SIDT1: variants seen among roughly 807,000 people sequenced by gnomAD.
SIDT1 encodes SID1 transmembrane family, member 1.
Under a neutral mutation model 107.5 loss-of-function variants are expected in SIDT1, and 101 were observed. The ratio of observed to expected loss-of-function variants is 0.94; its 90% CI spans 0.80 to 1.11. The LOEUF (loss-of-function observed/expected upper bound fraction) is 1.11, where lower values mean the gene tolerates loss of function less well. Among genes scored for constraint, SIDT1 ranks in the 50% least tolerant of loss-of-function variants. SIDT1 has a pLI of 0.00. For synonymous variants in SIDT1, 395 were observed against 398.2 expected, an observed-to-expected ratio of 0.99 and a Z score of 0.10; for missense variants, 1,076 against 1,058.2, an observed-to-expected ratio of 1.02 and a Z score of -0.23.
intron 9 of SIDT1, among the ~76,000 whole-genome samples, chr3:113,591,468 A>T (rs1167930069): frequency 6.6e-6 from 1 of 152,170 alleles, no homozygotes; most frequent in Non-Finnish European, 1.5e-5. Flanking sequence ...GAAAGGGAGA[A>T]GCCAAAACAA....
At chr3:113,550,442 G>A (rs1940091255) in intron 1 of SIDT1, among the ~76,000 whole-genome samples, 2 of 152,158 alleles carry the variant, frequency 1.3e-5, no homozygotes, top group Admixed American at 1.3e-4. Context: ...TTCCAGTGGT[G>A]GAAATCTGTC....
chr3:113,533,843 A>G (rs938430428), intron 1 of SIDT1, among the ~76,000 whole-genome samples: 6 of 152,148 alleles, frequency 3.9e-5, no homozygotes. Flanking sequence ...TGAGAACTGC[A>G]GCCATCAGCT....
At chr3:113,593,222 A>G (rs565153407) in intron 10 of SIDT1, among the ~76,000 whole-genome samples, 174 bp downstream of exon 10, 2 of 152,292 alleles carry the variant, frequency 1.3e-5, no homozygotes, top group East Asian at 1.9e-4. Flanking sequence ...AACCAATTCT[A>G]TAGTTCAAGA....
Position 113,608,482 on chromosome 3 carries a change from G to C in SIDT1, c.1666G>C (p.Gly556Arg). Reference sequence around the variant, plus strand: ...TATGGGCATTGCATTGATGATGGAAGGGGTGCTCAGTGCTTGCTACCATGT... The same window carrying C: ...TATGGGCATTGCATTGATGATGGAACGGGTGCTCAGTGCTTGCTACCATGT... ...YAMGIALMMEGVLSACYHVCP... is the reference protein window; with the variant it reads ...YAMGIALMMERVLSACYHVCP... The change falls in exon 17 of 25, where the codon GGG becomes CGG. Residue 556 changes from glycine (G) to arginine (R), a missense_variant. Coordinates refer to ENST00000264852, the MANE Select transcript of SIDT1 (RefSeq NM_017699.3). 6.2e-7 allele frequency: 1 copy of C among 1,614,098 alleles called. No homozygotes were observed. The highest frequency in any genetic ancestry group is 8.5e-7 in the Non-Finnish European group (1 of 1,179,992).
At chr3:113,549,701 T>A (rs981427251) in intron 1 of SIDT1, among the ~76,000 whole-genome samples, 3 of 152,196 alleles carry the variant, frequency 2.0e-5, no homozygotes, top group Admixed American at 6.5e-5. Context: ...GCCTTGCCTT[T>A]TCATTTTCTT....
At chr3:113,607,949 C>T (rs1302887955) in intron 15 of SIDT1, 145 bp from the exon 16 acceptor site, 4 of 977,472 alleles carry the variant, frequency 4.1e-6, no homozygotes, top group Non-Finnish European at 5.7e-6. Context: ...AAGAGGATTT[C>T]TAATACTTTT....
At position 113,627,858 on chromosome 3, in the gene SIDT1, C is replaced by G; in HGVS notation, c.*150C>G. 2 of 685,340 alleles carry G rather than the reference C, an allele frequency of 2.9e-6. No individual in the cohort carries two copies. Among genetic ancestry groups the G allele is most frequent in the South Asian group, 3.7e-5 (2 of 54,204 alleles). The allele number at this position is 685,340 out of a possible 1,614,324, so 42.5% of individuals were successfully genotyped here. On this transcript the variant is annotated 3_prime_UTR_variant, in exon 25 of 25. Coordinates refer to ENST00000264852, the MANE Select transcript of SIDT1 (RefSeq NM_017699.3). Reference sequence around the variant, plus strand: ...ATTCACACAGGAAGGAGAGGGGCTGCGGGAGATTTAAACCTGCAAGAAAGG... The same window carrying G: ...ATTCACACAGGAAGGAGAGGGGCTGGGGGAGATTTAAACCTGCAAGAAAGG...
intron 1 of SIDT1, among the ~76,000 whole-genome samples, chr3:113,547,601 A>G (rs1939741503): frequency 2.0e-5 from 3 of 152,144 alleles, no homozygotes; most frequent in African/African-American, 4.8e-5. Context: ...AAGTTGAACA[A>G]GAAGAGTGAA....
At chr3:113,590,118 C>G (rs1408291272) in intron 9 of SIDT1, 1 of 152,212 alleles carries the variant, frequency 6.6e-6, no homozygotes, top group African/African-American at 2.4e-5. Context: ...CAGGGAAGTC[C>G]TCTCATAACC....
chr3:113,611,145 G>C lies in SIDT1; in HGVS notation c.1857+1G>C. 6.2e-7 allele frequency: 1 copy of C among 1,613,286 alleles called. No homozygotes were observed. The highest frequency in any genetic ancestry group is 8.5e-7 in the Non-Finnish European group (1 of 1,179,538). On this transcript the variant is annotated splice_donor_variant, in intron 18 of 24. Transcript: ENST00000264852. LOFTEE classifies it high-confidence loss of function. ...CATCATGGTCACCGTCCTTGGAGTG[G>C]TGCGTCCCCCACCTTCTTCCACCTG...
intron 1 of SIDT1, among the ~76,000 whole-genome samples, chr3:113,545,189 T>C (rs74487722): frequency 0.042 from 6,313 of 150,940 alleles, 247 homozygotes; most frequent in African/African-American, 0.11. Context: ...TATCCTGTGC[T>C]TCACCAAACT....
intron 1 of SIDT1, among the ~76,000 whole-genome samples, chr3:113,544,840 G>A (rs1394730481): frequency 6.6e-6 from 1 of 152,106 alleles, no homozygotes; most frequent in Non-Finnish European, 1.5e-5. Flanking sequence ...TGGGCCAGGT[G>A]CGGCGGCTCA....
chr3:113,566,481 T>C lies in SIDT1; in HGVS notation c.284T>C (p.Val95Ala), dbSNP rs1156648312. 3 of 1,613,996 alleles carry C rather than the reference T, an allele frequency of 1.9e-6. No homozygotes were observed. Among genetic ancestry groups the C allele is most frequent in the South Asian group, 1.1e-5 (1 of 91,092 alleles). Residue 95 changes from valine (V) to alanine (A), a missense_variant, in exon 2 of 25, where the codon GTT becomes GCT. Physicochemically the swap from Val to Ala is moderately conservative, Grantham distance 64 (BLOSUM62 0). Transcript: ENST00000264852. ...GAGAATCTCAACTACCCGGTCCTTGTTGTGGTTCGCCAGCAGAAAGAGGTG... is the reference window on the plus strand; with the variant it reads ...GAGAATCTCAACTACCCGGTCCTTGCTGTGGTTCGCCAGCAGAAAGAGGTG... ...SSENLNYPVL[V>A]VVRQQKEVLS...
At chr3:113,536,084 T>G (rs1938120446) in intron 1 of SIDT1, among the ~76,000 whole-genome samples, 1 of 152,198 alleles carries the variant, frequency 6.6e-6, no homozygotes, top group Admixed American at 6.5e-5. Context: ...TAGGCCATAC[T>G]GTTCCGACAA....
chr3:113,591,919 T>G (rs1944185845), intron 9 of SIDT1, among the ~76,000 whole-genome samples: 1 of 152,160 alleles, frequency 6.6e-6, no homozygotes, highest in Non-Finnish European at 1.5e-5. Context: ...AGCATGTCAA[T>G]GAAATGTGGT....
intron 1 of SIDT1, among the ~76,000 whole-genome samples, chr3:113,538,717 A>G (rs1411045115): frequency 6.6e-6 from 1 of 152,206 alleles, no homozygotes; most frequent in Non-Finnish European, 1.5e-5. Context: ...AAGATTTAAG[A>G]GAGAACATAC....
intron 21 of SIDT1, among the ~76,000 whole-genome samples, chr3:113,620,392 C>T (rs1190801522): frequency 6.6e-6 from 1 of 151,968 alleles, no homozygotes; most frequent in African/African-American, 2.4e-5. Flanking sequence ...TCCTCTTATA[C>T]AGTTGAATGA....
downstream of SIDT1, among the ~76,000 whole-genome samples, chr3:113,633,669 A>C (rs370587285): frequency 4.9e-4 from 74 of 152,360 alleles, no homozygotes; most frequent in African/African-American, 1.7e-3. Flanking sequence ...AAGGAAAAGA[A>C]AACTACTTAA....
At chr3:113,536,698 G>T (rs867002418) in intron 1 of SIDT1, among the ~76,000 whole-genome samples, 1 of 152,250 alleles carries the variant, frequency 6.6e-6, no homozygotes, top group African/African-American at 2.4e-5. Flanking sequence ...ACCAGGAAAA[G>T]TCTCATATGC....
Sources: gnomAD v4.1 joint callset for allele counts (sites outside exome capture counted in the v4.1 genomes callset) on GRCh38, gnomAD v4.1.1 for gene constraint, MANE v1.5 for transcripts, NCBI Gene and HGNC (gene_info 2026-07-23, HGNC 2026-07-21) for gene names.